Variants in DIS3L2 observed in about 807,000 individuals in gnomAD.
The protein encoded by DIS3L2 is DIS3 like 3'-5' exoribonuclease 2, also known as DIS3-like exonuclease 2.
Under a neutral mutation model 97.5 loss-of-function variants are expected in DIS3L2, and 34 were observed. The observed-to-expected ratio is 0.35, with a 90% CI of 0.27 to 0.46. The LOEUF is 0.46. Among genes scored for constraint, DIS3L2 ranks in the 20% least tolerant of loss-of-function variants. DIS3L2 has a pLI of 1.00. For missense variants in DIS3L2, 1,038 were observed against 1,146.0 expected, an observed-to-expected ratio of 0.91 and a Z score of 1.36; for synonymous variants, 435 against 445.2, an observed-to-expected ratio of 0.98 and a Z score of 0.29.
At chr2:232,317,764 T>C (rs1208803461) in intron 14 of DIS3L2, among the ~76,000 whole-genome samples, 1 of 152,190 alleles carries the variant, frequency 6.6e-6, no homozygotes, top group African/African-American at 2.4e-5. Context: ...ACACCTCTAA[T>C]TGTCTCTGAA....
chr2:232,247,445 G>A (rs1055596308), intron 11 of DIS3L2, among the ~76,000 whole-genome samples: 1 of 151,958 alleles, frequency 6.6e-6, no homozygotes, highest in Non-Finnish European at 1.5e-5. Context: ...GCTTTTCTCT[G>A]TGCCTACTCA....
rs1693938415 is a variant in DIS3L2, at chr2:232,269,849, G to C, written c.1659+6409G>C. 1.3e-5 allele frequency among the ~76,000 whole-genome samples: 2 copies of C among 152,178 alleles called. No homozygotes were observed. The highest frequency in any genetic ancestry group is 3.8e-4 in the East Asian group (2 of 5,202). ...ATGGAATGATTTTAAATATGTAAGT[G>C]ACATGAGCAGAACTGGGTTTTAGAA... On this transcript the variant is annotated intron_variant, in intron 13 of 20. Transcript: ENST00000325385. This position sits in a 1 kb window ranked among gnomAD's most constrained non-coding sequence, Gnocchi z 4.5.
chr2:232,011,125 C>A (rs895182798), intron 1 of DIS3L2, among the ~76,000 whole-genome samples: 2 of 152,102 alleles, frequency 1.3e-5, no homozygotes, highest in African/African-American at 4.8e-5. Flanking sequence ...CTAATGTCAG[C>A]CCAGCTCTTA....
At chr2:232,218,666 A>T (rs1692413357) in intron 10 of DIS3L2, among the ~76,000 whole-genome samples, 1 of 152,184 alleles carries the variant, frequency 6.6e-6, no homozygotes, top group Admixed American at 6.5e-5. Flanking sequence ...GCGTCTAATC[A>T]ACCAAGGTTT....
At chr2:232,079,527 G>C (rs1314264682) in intron 5 of DIS3L2, among the ~76,000 whole-genome samples, 1 of 149,942 alleles carries the variant, frequency 6.7e-6, no homozygotes, top group Admixed American at 6.8e-5. Context: ...GTGAACCGGG[G>C]AGGCGGAGCT....
At chr2:232,176,117 C>CTGA (rs1383277089) in intron 9 of DIS3L2, among the ~76,000 whole-genome samples, 1 of 152,182 alleles carries the variant, frequency 6.6e-6, no homozygotes, top group Non-Finnish European at 1.5e-5. Flanking sequence ...TCTTGAACTC[C>CTGA]TGACCTCAAC....
chr2:232,046,225 A>G (rs1253203445), intron 5 of DIS3L2, among the ~76,000 whole-genome samples: 2 of 152,172 alleles, frequency 1.3e-5, no homozygotes, highest in Admixed American at 6.5e-5. Context: ...GCCTGGATAC[A>G]TTGGCTTTGG....
rs958986084 is a variant in DIS3L2, at chr2:232,336,796, G to A, written c.*166G>A. On this transcript the variant is annotated 3_prime_UTR_variant, in exon 21 of 21. Coordinates refer to ENST00000325385, the MANE Select transcript of DIS3L2 (RefSeq NM_152383.5). ...GCTCAACTTTTAAACAAACTGCAGG[G>A]GAGAGGGTGGGGCTGGAAGGAAGGC... 9 of 1,440,534 alleles carry A rather than the reference G, an allele frequency of 6.2e-6. No homozygotes were observed. Among genetic ancestry groups the A allele is most frequent in the East Asian group, 2.6e-5 (1 of 39,054 alleles). The allele number at this position is 1,440,534 out of a possible 1,614,324, so 89.2% of individuals were successfully genotyped here.
At position 232,163,640 on chromosome 2, in the gene DIS3L2, C is replaced by T. The variant is rs778977139; in HGVS notation, c.1124+8C>T. On this transcript the variant is annotated splice_region_variant and intron_variant, in intron 9 of 20. Transcript: ENST00000325385. Reference sequence around the variant, plus strand: ...CAAGAGAAGGGATTTAAGGTAAGCACCTGAAACCCTTTAAGAACGTATATC... The same window carrying T: ...CAAGAGAAGGGATTTAAGGTAAGCATCTGAAACCCTTTAAGAACGTATATC... 2 of 1,611,770 alleles carry T rather than the reference C, an allele frequency of 1.2e-6. No individual in the cohort carries two copies. The highest frequency in any genetic ancestry group is 1.3e-5 in the African/African-American group (1 of 74,930).
intron 1 of DIS3L2, among the ~76,000 whole-genome samples, chr2:231,984,644 C>T (rs879277014): frequency 5.3e-5 from 8 of 151,980 alleles, no homozygotes; most frequent in Non-Finnish European, 7.4e-5. Flanking sequence ...CCGCCCGCCT[C>T]GGCTTCCCAA....
intron 11 of DIS3L2, among the ~76,000 whole-genome samples, chr2:232,246,850 A>G (rs1031536927): frequency 2.6e-5 from 4 of 152,428 alleles, no homozygotes; most frequent in Middle Eastern, 3.4e-3. Context: ...TAAATGTGTA[A>G]CACACACCAA....
intron 6 of DIS3L2, among the ~76,000 whole-genome samples, chr2:232,113,259 A>G (rs1185988259): frequency 2.6e-5 from 4 of 152,192 alleles, no homozygotes; most frequent in Admixed American, 2.0e-4. Flanking sequence ...ACTATGTCCT[A>G]AATTCTTTGT....
At chr2:232,277,626 T>C (rs1290529187) in intron 13 of DIS3L2, among the ~76,000 whole-genome samples, 2 of 152,208 alleles carry the variant, frequency 1.3e-5, no homozygotes, top group Non-Finnish European at 2.9e-5. Context: ...ATAACATTTT[T>C]CTATATATCC....
chr2:232,056,141 C>A (rs778275256), intron 5 of DIS3L2, among the ~76,000 whole-genome samples: 51 of 152,098 alleles, frequency 3.4e-4, no homozygotes, highest in Admixed American at 5.9e-4. Context: ...GAGGCTGAGG[C>A]AGGCAGATCA....
chr2:231,962,508 C>T (rs1472906511), intron 1 of DIS3L2, among the ~76,000 whole-genome samples: 2 of 149,800 alleles, frequency 1.3e-5, no homozygotes, highest in East Asian at 2.0e-4. Context: ...CGATTCGGCT[C>T]ACTGCAAGCT....
intron 1 of DIS3L2, among the ~76,000 whole-genome samples, chr2:232,005,418 C>T (rs1442875152): frequency 1.3e-5 from 2 of 152,160 alleles, no homozygotes; most frequent in Non-Finnish European, 1.5e-5. Context: ...GCTCTCTCCT[C>T]TTTTAGATTG....
chr2:232,312,309 A>G (rs551099731), intron 14 of DIS3L2, among the ~76,000 whole-genome samples: 1 of 152,344 alleles, frequency 6.6e-6, no homozygotes, highest in Admixed American at 6.5e-5. Flanking sequence ...AAAATGGTAC[A>G]GCAAGTTTAT....
At chr2:231,982,807 G>T (rs1036203802) in intron 1 of DIS3L2, among the ~76,000 whole-genome samples, 1 of 151,942 alleles carries the variant, frequency 6.6e-6, no homozygotes, top group East Asian at 1.9e-4. Flanking sequence ...AGCCTCCCAA[G>T]TAGCTGGGAT....
chr2:232,166,977 T>C (rs1301141512), intron 9 of DIS3L2, among the ~76,000 whole-genome samples: 1 of 151,262 alleles, frequency 6.6e-6, no homozygotes, highest in Non-Finnish European at 1.5e-5. Flanking sequence ...GCTGAGATCA[T>C]GCCACTGCCT....
Sources: gnomAD v4.1 joint callset for allele counts (sites outside exome capture counted in the v4.1 genomes callset) on GRCh38, gnomAD v4.1.1 for gene constraint, Gnocchi (gnomAD v3.1) non-coding constraint, MANE v1.5 for transcripts, NCBI Gene and HGNC (gene_info 2026-07-23, HGNC 2026-07-21) for gene names.